Variants in PPP3CA observed in about 807,000 individuals in gnomAD.
PPP3CA encodes CAM-PRP catalytic subunit.
In PPP3CA, 14 loss-of-function variants were observed where a neutral mutation model predicts 66.5. The observed-to-expected ratio is 0.21, with a 90% CI of 0.14 to 0.33. The LOEUF is 0.33. Ranked by LOEUF, PPP3CA falls within the 10% of genes least tolerant of loss-of-function variation. The probability of loss-of-function intolerance (pLI) is 1.00; values close to 1 mark genes in which losing one functional copy is unlikely to be tolerated. For missense variants in PPP3CA, 317 were observed against 639.5 expected (o/e 0.50, Z 5.44); for synonymous variants, 232 against 226.2 (o/e 1.03, Z -0.23).
At chr4:101,049,701 T>C (rs1325965751) in intron 10 of PPP3CA, among the ~76,000 whole-genome samples, 1 of 151,918 alleles carries the variant, frequency 6.6e-6, no homozygotes, top group East Asian at 1.9e-4. Context: ...ATTTATCAAA[T>C]ACTAGAATGA....
intron 1 of PPP3CA, among the ~76,000 whole-genome samples, chr4:101,293,073 G>T (rs1368248018): frequency 6.6e-6 from 1 of 152,174 alleles, no homozygotes; most frequent in Admixed American, 6.5e-5. Context: ...GTCAGAGAAT[G>T]CATGACTGGT....
chr4:101,204,040 G>T (rs1013489825), intron 1 of PPP3CA, among the ~76,000 whole-genome samples: 67 of 152,214 alleles, frequency 4.4e-4, no homozygotes, highest in African/African-American at 1.6e-3. Flanking sequence ...TGCAAACACA[G>T]CTCACTGCAG....
chr4:101,201,354 G>C lies in PPP3CA; in HGVS notation c.59-5238C>G, dbSNP rs116539981. Among the ~76,000 whole-genome samples the C allele has an allele frequency of 4.5e-3, 684 of 152,280 alleles. 7 individuals carry two copies. The highest frequency in any genetic ancestry group is 0.016 in the African/African-American group (653 of 41,560). On this transcript the variant is annotated intron_variant, in intron 1 of 13. Transcript: ENST00000394854. ...CCTATTTCAAAACTGGTTGCACACT[G>C]AGAATTGCTTTTTTAAAAGATGATG...
rs569052803 is a variant in PPP3CA, at chr4:101,035,815, C to G, written c.1242-3451G>C. 3.3e-5 allele frequency among the ~76,000 whole-genome samples: 5 copies of G among 152,320 alleles called. No individual in the cohort carries two copies. In the South Asian group the frequency reaches 1.0e-3, roughly 32 times the overall value. Reference sequence around the variant, plus strand: ...TATCTCTGCTGAATTCTCATTCAAACTGATATCTCTGCAGTAATTTCCTCT... The same window carrying G: ...TATCTCTGCTGAATTCTCATTCAAAGTGATATCTCTGCAGTAATTTCCTCT... On this transcript the variant is annotated intron_variant, in intron 11 of 13. Coordinates refer to ENST00000394854, the MANE Select transcript of PPP3CA (RefSeq NM_000944.5).
chr4:101,043,689 G>A (rs28564838), intron 10 of PPP3CA, among the ~76,000 whole-genome samples: 9,668 of 151,896 alleles, frequency 0.064, 347 homozygotes, highest in African/African-American at 0.093. Context: ...CCTGGCTAAC[G>A]TGGTGAAACC....
At chr4:101,038,111 C>T (rs534193300) in intron 11 of PPP3CA, among the ~76,000 whole-genome samples, 1 of 152,300 alleles carries the variant, frequency 6.6e-6, no homozygotes, top group South Asian at 2.1e-4. Context: ...GGGCATGAAC[C>T]TGGCACTTAG....
chr4:101,346,842 G>T lies in PPP3CA; in HGVS notation c.-46C>A, dbSNP rs993224845. Reference sequence around the variant, plus strand: ...CGACGCGCTGCTCGTCCGTCCGACTGCACACCCCGACCGGACCGGCGGGCC... The same window carrying T: ...CGACGCGCTGCTCGTCCGTCCGACTTCACACCCCGACCGGACCGGCGGGCC... On this transcript the variant is annotated 5_prime_UTR_variant, in exon 1 of 14. Coordinates refer to ENST00000394854, the MANE Select transcript of PPP3CA (RefSeq NM_000944.5). 6.3e-7 allele frequency: 1 copy of T among 1,590,952 alleles called. No homozygotes were observed. The highest frequency in any genetic ancestry group is 8.5e-7 in the Non-Finnish European group (1 of 1,169,790).
intron 1 of PPP3CA, among the ~76,000 whole-genome samples, chr4:101,346,436 C>T (rs1453647599): frequency 6.6e-6 from 1 of 152,034 alleles, no homozygotes; most frequent in Non-Finnish European, 1.5e-5. Flanking sequence ...AACCACCCCC[C>T]GGGCGCCCCC....
At chr4:101,228,433 C>T (rs531223443) in intron 1 of PPP3CA, among the ~76,000 whole-genome samples, 1 of 151,636 alleles carries the variant, frequency 6.6e-6, no homozygotes, top group South Asian at 2.1e-4. Context: ...CCATTTCAAT[C>T]TTAGACATGG....
chr4:101,024,844 T>C lies in PPP3CA; in HGVS notation c.*1021A>G, dbSNP rs1045471247. 6.6e-6 allele frequency: 1 copy of C among 152,548 alleles called. No homozygotes were observed. Among genetic ancestry groups the C allele is most frequent in the Non-Finnish European group, 1.5e-5 (1 of 68,044 alleles). The allele number at this position is 152,548 out of a possible 1,614,324, so 9.4% of individuals were successfully genotyped here. On this transcript the variant is annotated 3_prime_UTR_variant, in exon 14 of 14. Transcript: ENST00000394854. ...TTTTAGAGAATATAAAGTACGCCAG[T>C]ATACATACATTTCCAGTATATGTCA...
chr4:101,212,900 T>G (rs1486757096), intron 1 of PPP3CA, among the ~76,000 whole-genome samples: 3 of 152,136 alleles, frequency 2.0e-5, no homozygotes, highest in Non-Finnish European at 4.4e-5. Flanking sequence ...ACGGTTAAAT[T>G]TATTTATTTA....
At chr4:101,052,208 T>C (rs1279161795) in intron 10 of PPP3CA, among the ~76,000 whole-genome samples, 1 of 152,114 alleles carries the variant, frequency 6.6e-6, no homozygotes, top group African/African-American at 2.4e-5. Context: ...TTAATAATTG[T>C]GACCAAAGAT....
In PPP3CA at chr4:101,346,959, C is replaced by T. The variant is rs371830308; in HGVS notation, c.-163G>A. ...CTCTGAGCTGGCTTTAAAGTTGCTGCCTTTTCCGCGCGTCCCTCCTCCGCC... is the reference window on the plus strand; with the variant it reads ...CTCTGAGCTGGCTTTAAAGTTGCTGTCTTTTCCGCGCGTCCCTCCTCCGCC... On this transcript the variant is annotated 5_prime_UTR_variant, in exon 1 of 14. Transcript: ENST00000394854. 3,660 of 770,560 alleles carry T rather than the reference C, an allele frequency of 4.7e-3. 28 individuals are homozygous for T. Among genetic ancestry groups the T allele is most frequent in the South Asian group, 0.013 (749 of 58,428 alleles). 47.7% of individuals were successfully genotyped at this position (770,560 alleles called of 1,614,324 possible).
At chr4:101,046,157 C>G (rs531387523) in intron 10 of PPP3CA, among the ~76,000 whole-genome samples, 1 of 152,208 alleles carries the variant, frequency 6.6e-6, no homozygotes, top group African/African-American at 2.4e-5. Context: ...TCCACCAAAT[C>G]CAGAAGAAAA....
At chr4:101,033,708 T>A (rs1403322529) in intron 11 of PPP3CA, among the ~76,000 whole-genome samples, 1 of 152,188 alleles carries the variant, frequency 6.6e-6, no homozygotes, top group Non-Finnish European at 1.5e-5. Flanking sequence ...CACAGAGTTG[T>A]ACAACCATCA....
chr4:101,138,801 T>C (rs1722704140), intron 2 of PPP3CA, among the ~76,000 whole-genome samples: 1 of 152,202 alleles, frequency 6.6e-6, no homozygotes, highest in Admixed American at 6.5e-5. Context: ...TATGGTTACA[T>C]ACAAGGTCAC....
In PPP3CA at chr4:101,142,898, G is replaced by T. The variant is rs182145281; in HGVS notation, c.260-33820C>A. 2.6e-4 allele frequency among the ~76,000 whole-genome samples: 39 copies of T among 152,268 alleles called. No individual in the cohort carries two copies. In the East Asian group the frequency reaches 4.4e-3, roughly 17 times the overall value. On this transcript the variant is annotated intron_variant, in intron 2 of 13. Coordinates refer to ENST00000394854, the MANE Select transcript of PPP3CA (RefSeq NM_000944.5). Reference sequence around the variant, plus strand: ...TGATCAGGGAGGCAACAATACTCAAGTGAGGAGTGGCATTTTCTGGAACTG... The same window carrying T: ...TGATCAGGGAGGCAACAATACTCAATTGAGGAGTGGCATTTTCTGGAACTG...
At chr4:101,061,951 TAAA>T (rs1728482056) in intron 9 of PPP3CA, among the ~76,000 whole-genome samples, 1 of 152,026 alleles carries the variant, frequency 6.6e-6, no homozygotes, top group Non-Finnish European at 1.5e-5. Flanking sequence ...ATATGCTATT[TAAA>T]AAAATGTCCT....
intron 1 of PPP3CA, among the ~76,000 whole-genome samples, chr4:101,199,474 G>A (rs1333472768): frequency 6.6e-6 from 1 of 152,054 alleles, no homozygotes; most frequent in East Asian, 1.9e-4. Context: ...AATTTTTTTT[G>A]TAACTGCCTG....
Sources: gnomAD v4.1 joint callset for allele counts (sites outside exome capture counted in the v4.1 genomes callset) on GRCh38, gnomAD v4.1.1 for gene constraint, MANE v1.5 for transcripts, NCBI Gene and HGNC (gene_info 2026-07-23, HGNC 2026-07-21) for gene names.